Variants in SECISBP2 observed in about 807,000 individuals in gnomAD.
SECISBP2 encodes selenocysteine insertion sequence-binding protein 2.
A neutral mutation model predicts 98.2 loss-of-function variants in SECISBP2; 96 were observed. That is an observed-to-expected ratio of 0.98 (90% CI 0.83 to 1.16). The LOEUF (loss-of-function observed/expected upper bound fraction) is 1.16. Ranked by LOEUF, SECISBP2 falls within the 50% of genes most tolerant of loss-of-function variation. SECISBP2 has a pLI of 0.00. For missense variants in SECISBP2, 1,046 were observed against 1,022.9 expected (o/e 1.02, Z -0.31); for synonymous variants, 407 against 370.2 (o/e 1.10, Z -1.14).
At chr9:89,363,741 C>G (rs1365740287), downstream of SECISBP2, 3 of 1,611,848 alleles carry the variant, frequency 1.9e-6, no homozygotes, top group South Asian at 1.1e-5. Context: ...AATCACTTAC[C>G]AGGTCTCATC....
chr9:89,341,289 AAAG>A (rs1051436513), intron 9 of SECISBP2, 55 bp from the exon 10 acceptor site: 15 of 1,524,516 alleles, frequency 9.8e-6, no homozygotes, highest in East Asian at 2.3e-5. Flanking sequence ...TTTTTTGTAA[AAAG>A]AAAAGCACAG....
At chr9:89,343,036 TCTC>T (rs767435322) in intron 10 of SECISBP2, among the ~76,000 whole-genome samples, 11 of 152,176 alleles carry the variant, frequency 7.2e-5, no homozygotes, top group Non-Finnish European at 1.0e-4. Context: ...TAGCTGAAAA[TCTC>T]CTTATCTGTA....
intron 11 of SECISBP2, among the ~76,000 whole-genome samples, 175 bp from the exon 12 acceptor site, chr9:89,347,904 A>G (rs1002358663): frequency 6.6e-6 from 1 of 152,160 alleles, no homozygotes; most frequent in Non-Finnish European, 1.5e-5. Context: ...GTGCCCCTCC[A>G]AAACCAGCGG....
At chr9:89,328,943 TTTC>T in intron 5 of SECISBP2, 57 bp downstream of exon 5, 1 of 1,352,638 alleles carries the variant, frequency 7.4e-7, no homozygotes, top group African/African-American at 1.4e-5. Flanking sequence ...AATTGTCTCA[TTTC>T]AAACATTACA....
chr9:89,343,733 G>C (rs529875779), intron 10 of SECISBP2, among the ~76,000 whole-genome samples: 5 of 152,310 alleles, frequency 3.3e-5, no homozygotes, highest in Admixed American at 6.5e-5. Context: ...TCTTTATCCA[G>C]TGTACTGTTG....
At chr9:89,346,041 TA>T (rs1315254786) in intron 10 of SECISBP2, among the ~76,000 whole-genome samples, 4 of 152,194 alleles carry the variant, frequency 2.6e-5, no homozygotes, top group Non-Finnish European at 4.4e-5. Context: ...CCAATTATTT[TA>T]AAAACATGTT....
At chr9:89,338,695 A>G in intron 8 of SECISBP2, 115 bp downstream of exon 8, 1 of 1,109,118 alleles carries the variant, frequency 9.0e-7, no homozygotes, top group Non-Finnish European at 1.3e-6. Flanking sequence ...TTTAATGATC[A>G]TTTTTGTAGT....
At chr9:89,360,254 C>T (rs1444093047), downstream of SECISBP2, among the ~76,000 whole-genome samples, 2 of 152,250 alleles carry the variant, frequency 1.3e-5, no homozygotes, top group African/African-American at 4.8e-5. Flanking sequence ...GGGCAGTCAG[C>T]GGGGCCAGCA....
downstream of SECISBP2, chr9:89,363,336 T>C (rs1010725606): frequency 9.0e-6 from 14 of 1,555,702 alleles, no homozygotes; most frequent in African/African-American, 1.9e-4. Flanking sequence ...GTGGGGTCCA[T>C]GCTGAATGGG....
At chr9:89,359,823 C>T (rs1445585111), downstream of SECISBP2, among the ~76,000 whole-genome samples, 1 of 152,158 alleles carries the variant, frequency 6.6e-6, no homozygotes, top group African/African-American at 2.4e-5. Flanking sequence ...TCAAAGCCTC[C>T]AGCACTGCAC....
At chr9:89,331,031 AAAAG>A (rs1283362890) in intron 5 of SECISBP2, among the ~76,000 whole-genome samples, 1 of 152,230 alleles carries the variant, frequency 6.6e-6, no homozygotes, top group Non-Finnish European at 1.5e-5. Context: ...TTTTCCTTCT[AAAAG>A]AAACTTTTTC....
Position 89,332,751 on chromosome 9 carries a change from T to C in SECISBP2, c.802-157T>C. 3 of 678,012 alleles carry C rather than the reference T, an allele frequency of 4.4e-6. No homozygotes were observed. In the East Asian group the frequency reaches 8.2e-5, roughly 18 times the overall value. The allele number at this position is 678,012 out of a possible 1,614,324, so 42.0% of individuals were successfully genotyped here. A position where few individuals can be genotyped will look rare whatever the true frequency, so the allele number is the denominator to read the frequency against. On this transcript the variant is annotated intron_variant, in intron 5 of 16. Transcript: ENST00000375807. ...TTAGTTTTGTAAGGAATTGCTAAAC[T>C]ATTAAATATCTCCCAAAGTGGCTGT... is the stretch of plus-strand genomic sequence containing the variant.
At chr9:89,324,069 T>C (rs1482325627) in intron 2 of SECISBP2, 1 of 152,250 alleles carries the variant, frequency 6.6e-6, no homozygotes, top group Admixed American at 6.5e-5. Context: ...GGACAGTCTT[T>C]TTCACATTTT....
chr9:89,348,318 C>A (rs1830745092), intron 12 of SECISBP2, 104 bp downstream of exon 12: 2 of 1,343,354 alleles, frequency 1.5e-6, no homozygotes, highest in Non-Finnish European at 2.1e-6. Flanking sequence ...GACTCCTCTT[C>A]CTTTTGTGGT....
At chr9:89,362,481 T>G, downstream of SECISBP2, 14 of 1,613,926 alleles carry the variant, frequency 8.7e-6, no homozygotes, top group Non-Finnish European at 1.2e-5. Flanking sequence ...GGGCCTTTCC[T>G]GCTCTGCAGC....
rs1825102535 is a variant in SECISBP2 at position 89,318,605 on chromosome 9, A to G, written c.29A>G (p.Glu10Gly). Residue 10 changes from glutamate to glycine, a missense_variant, in exon 1 of 17, where the codon GAA becomes GGA. Physicochemically the swap from Glu to Gly is moderately conservative, Grantham distance 98. Coordinates refer to ENST00000375807, the MANE Select transcript of SECISBP2 (RefSeq NM_024077.5). ...GCGTCGGAGGGGCCGCGGGAGCCCG[A>G]AAGCGAGGTAAGGGCCGACGGGGGC... MASEGPREP[E>G]SEGIKLSADV... 3 of 1,457,712 alleles carry G rather than the reference A, an allele frequency of 2.1e-6. No individual in the cohort carries two copies. The highest frequency in any genetic ancestry group is 2.7e-5 in the South Asian group (2 of 74,572). 90.3% of individuals were successfully genotyped at this position (1,457,712 alleles called of 1,614,324 possible).
rs1265912542 is a variant in SECISBP2, at chr9:89,349,946, C to G, written c.1892+17C>G. 2.5e-6 allele frequency: 4 copies of G among 1,614,148 alleles called. No individual in the cohort carries two copies. The South Asian group carries it at 4.4e-5, about 18-fold the overall frequency. On this transcript the variant is annotated intron_variant, in intron 13 of 16. Coordinates refer to ENST00000375807, the MANE Select transcript of SECISBP2 (RefSeq NM_024077.5). ...ATTCAGGGAGTGAGTGAGCCCCTGC[C>G]TGCCAGGGACTAGGGGAAGATGGAA...
chr9:89,344,777 G>T (rs535746761), intron 10 of SECISBP2, among the ~76,000 whole-genome samples: 1 of 152,014 alleles, frequency 6.6e-6, no homozygotes, highest in South Asian at 2.1e-4. Context: ...ACTCCAGTAG[G>T]TCTCCATTTT....
intron 5 of SECISBP2, chr9:89,329,119 T>G: frequency 1.9e-6 from 1 of 528,564 alleles, no homozygotes; most frequent in South Asian, 2.1e-5. Flanking sequence ...TTGTTTTGTT[T>G]TGTTTTGTTT....
Sources: gnomAD v4.1 joint callset for allele counts (sites outside exome capture counted in the v4.1 genomes callset) on GRCh38, gnomAD v4.1.1 for gene constraint, MANE v1.5 for transcripts, NCBI Gene and HGNC (gene_info 2026-07-23, HGNC 2026-07-21) for gene names.